TYW1: variants seen among roughly 807,000 people sequenced by gnomAD.
TYW1 encodes the protein S-adenosyl-L-methionine-dependent tRNA 4-demethylwyosine synthase TYW1.
In TYW1, 46 loss-of-function variants were observed where a neutral mutation model predicts 96.2. The observed-to-expected ratio is 0.48, with a 90% CI of 0.38 to 0.61. The LOEUF (loss-of-function observed/expected upper bound fraction) is 0.61. TYW1 is among the 20% of genes least tolerant of loss of function. TYW1 has a pLI of 0.00. For synonymous variants in TYW1, 274 were observed against 323.0 expected, an observed-to-expected ratio of 0.85 and a Z score of 1.63; for missense variants, 684 against 909.6, an observed-to-expected ratio of 0.75 and a Z score of 3.19.
At chr7:67,125,366 G>T (rs1797882101) in intron 13 of TYW1, among the ~76,000 whole-genome samples, 1 of 150,136 alleles carries the variant, frequency 6.7e-6, no homozygotes, top group African/African-American at 2.5e-5. Flanking sequence ...TAATTTGGGG[G>T]TATTGCATAA....
chr7:67,164,286 T>C (rs1289699844), intron 13 of TYW1, among the ~76,000 whole-genome samples: 2 of 152,158 alleles, frequency 1.3e-5, no homozygotes, highest in Admixed American at 1.3e-4. Flanking sequence ...TGTTTTCAGC[T>C]TTTAAAAAAT....
At chr7:67,189,103 C>T (rs1004713234) in intron 14 of TYW1, among the ~76,000 whole-genome samples, 1 of 152,196 alleles carries the variant, frequency 6.6e-6, no homozygotes, top group Non-Finnish European at 1.5e-5. Context: ...ACGCTACCTT[C>T]CTTTTTCTAT....
chr7:67,085,224 C>G (rs1333620540), intron 11 of TYW1, among the ~76,000 whole-genome samples: 1 of 152,172 alleles, frequency 6.6e-6, no homozygotes, highest in African/African-American at 2.4e-5. Flanking sequence ...TATGGTTAGG[C>G]TTTGTTCCCC....
At chr7:67,167,468 CAAAAAAAAAAAAAAA>C (rs869281504) in intron 13 of TYW1, among the ~76,000 whole-genome samples, 7 of 78,804 alleles carry the variant, frequency 8.9e-5, no homozygotes, top group African/African-American at 3.0e-4. Flanking sequence ...GACTCTGTCT[CAAAAAAAAAAAAAAA>C]AAAAAAAAAA....
At chr7:67,114,492 T>C (rs1797529323) in intron 12 of TYW1, 1 of 152,400 alleles carries the variant, frequency 6.6e-6, no homozygotes, top group East Asian at 1.9e-4. Context: ...GAAGGGTCCT[T>C]ACAGTACTCA....
At chr7:67,095,590 G>A (rs143360729) in intron 11 of TYW1, among the ~76,000 whole-genome samples, 4,522 of 151,910 alleles carry the variant, frequency 0.03, 195 homozygotes, top group African/African-American at 0.1. Flanking sequence ...CCCGGGAGGC[G>A]GAGGTTGCAG....
At chr7:67,145,400 C>T (rs11765481) in intron 13 of TYW1, among the ~76,000 whole-genome samples, 39,053 of 151,468 alleles carry the variant, frequency 0.26, 5,363 homozygotes, top group African/African-American at 0.38. Context: ...CCACCCGCCT[C>T]GGCCTCCCAA....
chr7:67,040,262 A>T (rs879787043), intron 7 of TYW1, among the ~76,000 whole-genome samples: 1 of 152,140 alleles, frequency 6.6e-6, no homozygotes, highest in Non-Finnish European at 1.5e-5. Flanking sequence ...TTAAACATTT[A>T]AAATTTGCTT....
intron 15 of TYW1, among the ~76,000 whole-genome samples, chr7:67,224,797 G>A (rs1801505494): frequency 6.6e-6 from 1 of 152,180 alleles, no homozygotes; most frequent in Non-Finnish European, 1.5e-5. Context: ...ACCGTGGTGA[G>A]CACTATACAT....
chr7:67,153,235 C>A lies in TYW1; in HGVS notation c.1699-29891C>A, dbSNP rs1200412004. Among the ~76,000 whole-genome samples, 3 of 152,116 alleles carry A rather than the reference C, an allele frequency of 2.0e-5. No individual in the cohort carries two copies. In the South Asian group the frequency reaches 6.2e-4, roughly 31 times the overall value. Reference sequence around the variant, plus strand: ...CTTTGGGAGGCCAAGGTGGGCAGATCACTTGAGGTCAGGAGTTCAAGACCA... The same window carrying A: ...CTTTGGGAGGCCAAGGTGGGCAGATAACTTGAGGTCAGGAGTTCAAGACCA... On this transcript the variant is annotated intron_variant, in intron 13 of 15. Coordinates refer to ENST00000359626, the MANE Select transcript of TYW1 (RefSeq NM_018264.4).
intron 13 of TYW1, among the ~76,000 whole-genome samples, chr7:67,132,570 T>C (rs746114946): frequency 2.0e-5 from 3 of 152,202 alleles, no homozygotes; most frequent in Non-Finnish European, 4.4e-5. Flanking sequence ...AAAAATTACA[T>C]TTTTACCATT....
Position 67,017,838 on chromosome 7 carries a change from A to G in TYW1, c.571-15A>G, listed in dbSNP as rs780265197. 97 of 1,606,616 alleles carry G rather than the reference A, an allele frequency of 6.0e-5. No homozygotes were observed. Among genetic ancestry groups the G allele is most frequent in the South Asian group, 2.7e-4 (24 of 90,548 alleles). On this transcript the variant is annotated splice_polypyrimidine_tract_variant and intron_variant, in intron 5 of 15. Transcript: ENST00000359626. The stretch of plus-strand genomic sequence containing the variant: ...AGAGAACCGTGCTTTTAGCCTATCT[A>G]TCTTTTCCTCACAGGTTGGCAAAAA...
At chr7:67,125,335 G>T (rs1797881278) in intron 13 of TYW1, among the ~76,000 whole-genome samples, 1 of 151,298 alleles carries the variant, frequency 6.6e-6, no homozygotes, top group South Asian at 2.1e-4. Context: ...TTTTCAATTT[G>T]GTCTGTGAAT....
intron 13 of TYW1, among the ~76,000 whole-genome samples, chr7:67,172,874 C>T (rs963831939): frequency 6.6e-6 from 1 of 152,052 alleles, no homozygotes; most frequent in Admixed American, 6.5e-5. Flanking sequence ...AATCCCAGCA[C>T]TTTGGGAGTT....
At chr7:67,056,214 C>G (rs1049870885) in intron 9 of TYW1, among the ~76,000 whole-genome samples, 1 of 152,104 alleles carries the variant, frequency 6.6e-6, no homozygotes, top group African/African-American at 2.4e-5. Flanking sequence ...TATGAGTGGC[C>G]AGATGCAGTG....
chr7:67,027,572 A>G (rs1794491668), intron 7 of TYW1, among the ~76,000 whole-genome samples: 1 of 152,116 alleles, frequency 6.6e-6, no homozygotes, highest in Non-Finnish European at 1.5e-5. Context: ...AAACAGGAGG[A>G]ACTATTTGCC....
rs745691888 is a variant in TYW1, at chr7:67,083,418, T to C, written c.1275-12T>C. On this transcript the variant is annotated splice_polypyrimidine_tract_variant and intron_variant, in intron 10 of 15. Transcript: ENST00000359626. ...CAGAAGGGTCTTTTAGAACTTTGCA[T>C]CTTGTTCCTAGGCACCACACCAACC... is the stretch of plus-strand genomic sequence containing the variant. The C allele has an allele frequency of 6.2e-7, 1 of 1,613,646 alleles. No individual in the cohort carries two copies. Among genetic ancestry groups the C allele is most frequent in the Non-Finnish European group, 8.5e-7 (1 of 1,179,706 alleles).
chr7:67,183,273 G>C (rs1799899359), intron 14 of TYW1, 37 bp downstream of exon 14: 4 of 1,566,518 alleles, frequency 2.6e-6, no homozygotes, highest in Non-Finnish European at 3.5e-6. Flanking sequence ...GTGGTGGAGT[G>C]ACAAAGAATC....
At chr7:67,153,925 CTTTTTTTT>C (rs34003922) in intron 13 of TYW1, among the ~76,000 whole-genome samples, 1 of 130,314 alleles carries the variant, frequency 7.7e-6, no homozygotes, top group Non-Finnish European at 1.6e-5. Context: ...TAACGACTTT[CTTTTTTTT>C]TTTTTTTTTT....
Sources: allele counts gnomAD v4.1 joint callset (sites outside exome capture counted in the v4.1 genomes callset), GRCh38; gene constraint gnomAD v4.1.1; transcripts MANE v1.5; gene names NCBI Gene and HGNC (gene_info 2026-07-23, HGNC 2026-07-21).